FAM83F: variants seen among roughly 807,000 people sequenced by gnomAD.
FAM83F encodes the protein protein FAM83F.
FAM83F carries 45 observed loss-of-function variants against 42.9 expected under a neutral mutation model. The observed-to-expected ratio is 1.05, with a 90% CI of 0.83 to 1.35. FAM83F has a LOEUF of 1.35. Ranked by LOEUF, FAM83F falls within the 40% of genes most tolerant of loss-of-function variation. The pLI is 0.00. For synonymous variants in FAM83F, 306 were observed against 298.3 expected (o/e 1.03, Z -0.27); for missense variants, 617 against 695.9 (o/e 0.89, Z 1.28).
intron 1 of FAM83F, among the ~76,000 whole-genome samples, chr22:40,018,913 T>C (rs921737683): frequency 2.0e-5 from 3 of 152,182 alleles, no homozygotes; most frequent in African/African-American, 7.2e-5. Flanking sequence ...TAAGAGCTGC[T>C]GGAAGACCCC....
At chr22:39,997,127 G>C (rs192245584) in intron 1 of FAM83F, among the ~76,000 whole-genome samples, 1 of 152,238 alleles carries the variant, frequency 6.6e-6, no homozygotes, top group Non-Finnish European at 1.5e-5. Flanking sequence ...AGTTTCCATA[G>C]CTAGTAAGTG....
rs1225508391 is a variant in FAM83F, at chr22:40,041,872, T to G, written c.*12307T>G. The G allele has an allele frequency of 2.1e-4, 32 of 151,950 alleles. No homozygotes were observed. The highest frequency in any genetic ancestry group is 4.4e-5 in the Non-Finnish European group (3 of 67,888). 9.4% of individuals were successfully genotyped at this position (151,950 alleles called of 1,614,324 possible). On this transcript the variant is annotated 3_prime_UTR_variant, in exon 5 of 5. Transcript: ENST00000333407. The stretch of plus-strand genomic sequence containing the variant: ...ATATTATATTTACTCAATGTTACTT[T>G]TTTTTTTTTTGAGACAGGGTCTTGC...
At chr22:40,011,183 G>A (rs2067461278) in intron 1 of FAM83F, among the ~76,000 whole-genome samples, 1 of 152,066 alleles carries the variant, frequency 6.6e-6, no homozygotes, top group Non-Finnish European at 1.5e-5. Flanking sequence ...GTTATGCAGT[G>A]TGCTTTTTTG....
chr22:40,009,185 A>G (rs1208313374), intron 1 of FAM83F, among the ~76,000 whole-genome samples: 1 of 152,140 alleles, frequency 6.6e-6, no homozygotes, highest in African/African-American at 2.4e-5. Flanking sequence ...CCAGGCGCAC[A>G]TGGGTAGGTA....
chr22:40,019,648 T>C (rs2067508975), intron 2 of FAM83F, among the ~76,000 whole-genome samples: 1 of 152,174 alleles, frequency 6.6e-6, no homozygotes, highest in African/African-American at 2.4e-5. Flanking sequence ...TTCTGGGGCC[T>C]TTTGAGAAGA....
At chr22:40,008,351 T>C (rs1053118382) in intron 1 of FAM83F, among the ~76,000 whole-genome samples, 1 of 152,218 alleles carries the variant, frequency 6.6e-6, no homozygotes, top group African/African-American at 2.4e-5. Context: ...CCCTTTGTTC[T>C]GGGCTCCATC....
intron 4 of FAM83F, among the ~76,000 whole-genome samples, chr22:40,025,802 C>A (rs527688644): frequency 1.3e-5 from 2 of 152,170 alleles, no homozygotes; most frequent in Non-Finnish European, 2.9e-5. Flanking sequence ...TAAATTAGGG[C>A]CCTCATTTTC....
At chr22:39,998,269 G>C (rs576820699) in intron 1 of FAM83F, among the ~76,000 whole-genome samples, 58 of 152,306 alleles carry the variant, frequency 3.8e-4, no homozygotes, top group African/African-American at 1.2e-3. Flanking sequence ...GGGAACTGCC[G>C]AGGGGAGGCA....
intron 1 of FAM83F, among the ~76,000 whole-genome samples, chr22:40,010,725 A>C (rs1015217717): frequency 1.3e-5 from 2 of 152,236 alleles, no homozygotes; most frequent in Admixed American, 6.5e-5. Context: ...AGTGTTCAGA[A>C]ATGAGAGGAC....
chr22:40,026,862 T>C (rs1448500853), intron 4 of FAM83F, among the ~76,000 whole-genome samples: 1 of 152,218 alleles, frequency 6.6e-6, no homozygotes, highest in African/African-American at 2.4e-5. Context: ...GTGTCATCCC[T>C]TGGGGCCGCA....
chr22:40,015,736 A>G (rs1414121386), intron 1 of FAM83F, among the ~76,000 whole-genome samples: 2 of 152,176 alleles, frequency 1.3e-5, no homozygotes, highest in East Asian at 3.9e-4. Context: ...TCCCCTGGCT[A>G]GAAGTAATCT....
chr22:40,003,870 G>C (rs959840442), intron 1 of FAM83F, among the ~76,000 whole-genome samples: 2 of 152,144 alleles, frequency 1.3e-5, no homozygotes, highest in Admixed American at 6.5e-5. Flanking sequence ...GTCCTGGCAA[G>C]GCATGTGGGA....
In FAM83F at chr22:40,021,867, C is replaced by T. The variant is rs189817068; in HGVS notation, c.1357C>T (p.Pro453Ser). 1 of 1,611,816 alleles carries T rather than the reference C, an allele frequency of 6.2e-7. No individual in the cohort carries two copies. Among genetic ancestry groups the T allele is most frequent in the East Asian group, 2.2e-5 (1 of 44,848 alleles). ...TCGCCGAGCCAAGAGGCCTGCGGCG[C>T]CCAATGGCATGGCCAGCTCTGTCTC... ...FSRRAKRPAA[P>S]NGMASSVSTE... Residue 453 changes from proline (P) to serine (S), a missense_variant, in exon 4 of 5, where the codon CCC (proline) becomes TCC (serine). Physicochemically the swap from Pro to Ser is moderately conservative, Grantham distance 74. Coordinates refer to ENST00000333407, the MANE Select transcript of FAM83F (RefSeq NM_138435.4). The surrounding 1 kb of genome is among the most constrained non-coding windows in gnomAD (Gnocchi z 8.7).
intron 1 of FAM83F, among the ~76,000 whole-genome samples, chr22:40,009,399 AC>A (rs1337260515): frequency 1.3e-5 from 2 of 152,138 alleles, no homozygotes; most frequent in Non-Finnish European, 2.9e-5. Flanking sequence ...GGGCAAGGGG[AC>A]GGATGGTGTT....
At chr22:40,029,410 A>C in intron 4 of FAM83F, 106 bp from the exon 5 acceptor site, 1 of 1,442,246 alleles carries the variant, frequency 6.9e-7, no homozygotes, top group Non-Finnish European at 9.3e-7. Context: ...CAGTGACCCC[A>C]GCCCCTCAAC....
Position 39,996,204 on chromosome 22 carries a change from G to A in FAM83F, c.489+673G>A, listed in dbSNP as rs541736095. 2.4e-4 allele frequency among the ~76,000 whole-genome samples: 36 copies of A among 152,290 alleles called. No individual in the cohort carries two copies. The Middle Eastern group carries it at 0.01, about 43-fold the overall frequency. The stretch of plus-strand genomic sequence containing the variant: ...CAGCTCAGGAAAGGGCTCCTACTTA[G>A]CATATGTGTCCTGCTTGAGAGTTGG... On this transcript the variant is annotated intron_variant, in intron 1 of 4. Transcript: ENST00000333407.
At chr22:40,022,027 C>T (rs2067526496) in intron 4 of FAM83F, 64 bp downstream of exon 4, 1 of 1,384,896 alleles carries the variant, frequency 7.2e-7, no homozygotes, top group Non-Finnish European at 9.6e-7. Flanking sequence ...CGCATCGGCT[C>T]TTATCCAGGA....
chr22:40,016,993 C>T (rs919238208), intron 1 of FAM83F, among the ~76,000 whole-genome samples: 2 of 152,070 alleles, frequency 1.3e-5, no homozygotes, highest in African/African-American at 4.8e-5. Flanking sequence ...CTCTCTGGGC[C>T]TGGTAATTTA....
At chr22:40,027,308 C>A (rs985293291) in intron 4 of FAM83F, among the ~76,000 whole-genome samples, 2 of 152,190 alleles carry the variant, frequency 1.3e-5, no homozygotes, top group African/African-American at 4.8e-5. Context: ...CTTGTCATGG[C>A]TTCCATGTGG....
Sources: allele counts gnomAD v4.1 joint callset (sites outside exome capture counted in the v4.1 genomes callset), GRCh38; gene constraint gnomAD v4.1.1; non-coding constraint Gnocchi (gnomAD v3.1); transcripts MANE v1.5; gene names NCBI Gene and HGNC (gene_info 2026-07-23, HGNC 2026-07-21).